Variants in ULK4 observed in about 807,000 individuals in gnomAD.
The protein encoded by ULK4 is unc-51 like kinase 4.
In ULK4, 133 loss-of-function variants were observed where a neutral mutation model predicts 160.6. The observed-to-expected ratio is 0.83, with a 90% CI of 0.72 to 0.96. The LOEUF is 0.96. Ranked by LOEUF, ULK4 falls within the 40% of genes least tolerant of loss-of-function variation. The probability of loss-of-function intolerance (pLI) is 0.00; values close to 1 mark genes in which losing one functional copy is unlikely to be tolerated. For synonymous variants in ULK4, 534 were observed against 539.8 expected (o/e 0.99, Z 0.15); for missense variants, 1,580 against 1,499.5 (o/e 1.05, Z -0.89).
intron 32 of ULK4, among the ~76,000 whole-genome samples, chr3:41,490,878 A>C (rs1305067392): frequency 6.6e-6 from 1 of 152,188 alleles, no homozygotes; most frequent in Non-Finnish European, 1.5e-5. Flanking sequence ...TATACACAGA[A>C]ACGCTCTCAG....
At chr3:41,826,003 T>C (rs1278138530) in intron 18 of ULK4, among the ~76,000 whole-genome samples, 1 of 152,168 alleles carries the variant, frequency 6.6e-6, no homozygotes. Context: ...GGGACCAATA[T>C]TCAACATTCT....
intron 27 of ULK4, among the ~76,000 whole-genome samples, chr3:41,693,179 C>T (rs73828227): frequency 6.6e-6 from 1 of 152,112 alleles, no homozygotes. Context: ...TGGTAACACA[C>T]TATTGGGAAG....
intron 22 of ULK4, among the ~76,000 whole-genome samples, chr3:41,720,766 A>C (rs1256004515): frequency 6.6e-6 from 1 of 152,188 alleles, no homozygotes; most frequent in East Asian, 1.9e-4. Flanking sequence ...GAGGATACTG[A>C]TACTCTAGTT....
intron 32 of ULK4, among the ~76,000 whole-genome samples, chr3:41,564,449 CTTTTTTTTTTTTTTTTTT>C (rs71075476): frequency 2.5e-5 from 2 of 80,930 alleles, no homozygotes; most frequent in Admixed American, 1.7e-4. Context: ...TCTTCTTCTT[CTTTTTTTTTTTTTTTTTT>C]TTTTTTTTGA....
chr3:41,836,256 T>C (rs981374042), intron 17 of ULK4, among the ~76,000 whole-genome samples: 11 of 152,128 alleles, frequency 7.2e-5, no homozygotes, highest in African/African-American at 2.4e-4. Context: ...AACTACAACC[T>C]CTGCCTCCTG....
At chr3:41,544,915 G>C (rs1390031302) in intron 32 of ULK4, among the ~76,000 whole-genome samples, 1 of 152,140 alleles carries the variant, frequency 6.6e-6, no homozygotes, top group Non-Finnish European at 1.5e-5. Context: ...TACCATGCAG[G>C]TATGAAAGAG....
chr3:41,751,988 G>A (rs2038647039), intron 22 of ULK4, among the ~76,000 whole-genome samples: 1 of 152,202 alleles, frequency 6.6e-6, no homozygotes, highest in Non-Finnish European at 1.5e-5. Flanking sequence ...GACAAGGCAG[G>A]ACAGGTAGGA....
intron 32 of ULK4, among the ~76,000 whole-genome samples, chr3:41,548,244 T>C (rs770815757): frequency 8.6e-5 from 13 of 152,042 alleles, no homozygotes; most frequent in Non-Finnish European, 1.8e-4. Context: ...TCCACACACA[T>C]CTCCCAAGGG....
chr3:41,639,339 T>G (rs182859944), intron 30 of ULK4, among the ~76,000 whole-genome samples: 3 of 152,160 alleles, frequency 2.0e-5, no homozygotes, highest in Non-Finnish European at 2.9e-5. Flanking sequence ...AAATAAATGT[T>G]TGACAAGTTC....
chr3:41,884,666 G>A (rs1455250241), intron 16 of ULK4, among the ~76,000 whole-genome samples: 1 of 152,154 alleles, frequency 6.6e-6, no homozygotes, highest in Non-Finnish European at 1.5e-5. Flanking sequence ...ATGTACCTTA[G>A]TCAGCTTTTA....
At chr3:41,856,523 ATATATATATGTATGTATATATATATGTG>A (rs2042342655) in intron 17 of ULK4, among the ~76,000 whole-genome samples, 3 of 129,918 alleles carry the variant, frequency 2.3e-5, no homozygotes, top group Non-Finnish European at 4.9e-5. Flanking sequence ...ATATATATAT[ATATATATATGTATGTATATATATATGTG>A]TATATATATA....
chr3:41,744,019 G>A (rs546846892), intron 22 of ULK4, among the ~76,000 whole-genome samples: 59 of 151,928 alleles, frequency 3.9e-4, no homozygotes, highest in Non-Finnish European at 7.4e-5. Flanking sequence ...ATGACTAAGA[G>A]GCTATTATAA....
At chr3:41,483,827 C>G (rs1387558657) in intron 32 of ULK4, among the ~76,000 whole-genome samples, 1 of 152,152 alleles carries the variant, frequency 6.6e-6, no homozygotes, top group Non-Finnish European at 1.5e-5. Flanking sequence ...CAGAGGGAGG[C>G]AGGAGACCAG....
At chr3:41,585,339 C>T (rs913911134) in intron 31 of ULK4, among the ~76,000 whole-genome samples, 2 of 152,046 alleles carry the variant, frequency 1.3e-5, no homozygotes, top group Non-Finnish European at 2.9e-5. Flanking sequence ...ACCAATGGAA[C>T]GAAACAGAGA....
At chr3:41,850,559 C>A (rs1253115791) in intron 17 of ULK4, among the ~76,000 whole-genome samples, 1 of 152,048 alleles carries the variant, frequency 6.6e-6, no homozygotes, top group East Asian at 1.9e-4. Flanking sequence ...TCTCTGATGG[C>A]CAGTGATGAT....
intron 35 of ULK4, chr3:41,277,767 G>A (rs1368930810): frequency 6.6e-6 from 1 of 152,236 alleles, no homozygotes; most frequent in Admixed American, 6.5e-5. Flanking sequence ...TAAACAGTAA[G>A]TTAAACTGTC....
At chr3:41,877,386 C>T (rs139069419) in intron 17 of ULK4, among the ~76,000 whole-genome samples, 2 of 151,344 alleles carry the variant, frequency 1.3e-5, no homozygotes, top group African/African-American at 2.4e-5. Flanking sequence ...TAGGCTGGAG[C>T]GCAGTGGTCC....
At chr3:41,436,982 C>A (rs1459097094) in intron 34 of ULK4, among the ~76,000 whole-genome samples, 1 of 152,170 alleles carries the variant, frequency 6.6e-6, no homozygotes, top group Non-Finnish European at 1.5e-5. Flanking sequence ...AGTGGAAAAG[C>A]AACATACCTA....
At chr3:41,805,568 C>T (rs1358069329) in intron 19 of ULK4, among the ~76,000 whole-genome samples, 1 of 151,112 alleles carries the variant, frequency 6.6e-6, no homozygotes, top group Non-Finnish European at 1.5e-5. Flanking sequence ...TGCCAGTTTT[C>T]AAAGGGAATG....
Sources: gnomAD v4.1 joint callset for allele counts (sites outside exome capture counted in the v4.1 genomes callset) on GRCh38, gnomAD v4.1.1 for gene constraint, MANE v1.5 for transcripts, NCBI Gene and HGNC (gene_info 2026-07-23, HGNC 2026-07-21) for gene names.